Variants in CELF2 observed in about 807,000 individuals in gnomAD.
CELF2 encodes CUGBP Elav-like family member 2.
CELF2 carries 8 observed loss-of-function variants against 62.6 expected under a neutral mutation model. That is an observed-to-expected ratio of 0.13 (90% CI 0.07 to 0.23). The LOEUF is 0.23. Among genes scored for constraint, CELF2 ranks in the 10% least tolerant of loss-of-function variants. CELF2 has a pLI of 1.00. For missense variants in CELF2, 333 were observed against 671.0 expected (o/e 0.50, Z 5.56); for synonymous variants, 258 against 250.0 (o/e 1.03, Z -0.30).
the CELF2 span, among the ~76,000 whole-genome samples, chr10:10,765,118 A>G: frequency 2.0e-4 from 30 of 152,322 alleles, no homozygotes; most frequent in African/African-American, 7.2e-4. Flanking sequence ...AAGGATCCAT[A>G]CAAATGACGG....
intron 1 of CELF2, among the ~76,000 whole-genome samples, chr10:11,027,676 A>G (rs1215618135): frequency 3.9e-5 from 6 of 152,208 alleles, no homozygotes; most frequent in Admixed American, 1.3e-4. Flanking sequence ...CACTAGGGAC[A>G]TGGCTTCAGG....
intron 6 of CELF2, 45 bp downstream of exon 6, chr10:11,266,722 T>C: frequency 6.7e-7 from 1 of 1,492,324 alleles, no homozygotes; most frequent in Non-Finnish European, 9.3e-7. Flanking sequence ...GTGCAAATGA[T>C]GGGGAATGGT....
rs2082663090 is a variant in CELF2, at chr10:11,268,110, TG to T, written c.618+1434del. Among the ~76,000 whole-genome samples, 1 of 152,208 alleles carries T rather than the reference TG, an allele frequency of 6.6e-6. No homozygotes were observed. Among genetic ancestry groups the T allele is most frequent in the South Asian group, 2.1e-4 (1 of 4,830 alleles). ...CGCAGTTACACGTGTGATGGCGTTT[TG>T]CTTCCCTCTTTCTCTTACTGAGGCC... On this transcript the variant is annotated intron_variant, in intron 6 of 12. Coordinates refer to ENST00000633077, the MANE Select transcript of CELF2 (RefSeq NM_001326342.2). The surrounding 1 kb of genome is among the most constrained non-coding windows in gnomAD (Gnocchi z 4.7).
the CELF2 span, among the ~76,000 whole-genome samples, chr10:10,747,815 T>C: frequency 6.6e-6 from 1 of 152,212 alleles, no homozygotes; most frequent in East Asian, 1.9e-4. Context: ...CATGCCATTC[T>C]CCTGCCTCAG....
In CELF2 at chr10:11,271,638, A is replaced by AGT. The variant is rs2083822279; in HGVS notation, c.777+816_777+817dup. Among the ~76,000 whole-genome samples the AGT allele has an allele frequency of 2.0e-5, 3 of 152,278 alleles. No homozygotes were observed. In the East Asian group the frequency reaches 5.8e-4, roughly 29 times the overall value. On this transcript the variant is annotated intron_variant, in intron 7 of 12. Coordinates refer to ENST00000633077, the MANE Select transcript of CELF2 (RefSeq NM_001326342.2). ...CCCTATTTTTCCACTTTGGAACATA[A>AGT]GTGCTGGACTTCACATTTATTAATA...
intron 4 of CELF2, among the ~76,000 whole-genome samples, chr10:11,253,753 G>C (rs969667631): frequency 3.9e-5 from 6 of 152,164 alleles, no homozygotes; most frequent in Non-Finnish European, 5.9e-5. Context: ...ATGGAAGGTA[G>C]ACTTCAAATG....
At chr10:10,873,353 A>G (rs1368995987) in intron 1 of CELF2, among the ~76,000 whole-genome samples, 1 of 152,188 alleles carries the variant, frequency 6.6e-6, no homozygotes, top group African/African-American at 2.4e-5. Context: ...TGAACTTAAA[A>G]TAAATAAATA....
chr10:11,110,546 G>A lies in CELF2; in HGVS notation c.75-54940G>A, dbSNP rs558551598. On this transcript the variant is annotated intron_variant, in intron 1 of 12. Coordinates refer to ENST00000633077, the MANE Select transcript of CELF2 (RefSeq NM_001326342.2). This position sits in a 1 kb window ranked among gnomAD's most constrained non-coding sequence, Gnocchi z 4.0. ...CACTAATGCATGGAGTAGAAACAGAGGGGCTTTAATGGAGGTCATGTCCCT... is the reference window on the plus strand; with the variant it reads ...CACTAATGCATGGAGTAGAAACAGAAGGGCTTTAATGGAGGTCATGTCCCT... Among the ~76,000 whole-genome samples the A allele has an allele frequency of 1.6e-4, 25 of 152,310 alleles. No homozygotes were observed. The South Asian group carries it at 5.2e-3, about 32-fold the overall frequency.
chr10:11,217,225 G>A lies in CELF2; in HGVS notation c.272-200G>A, dbSNP rs141865209. Reference sequence around the variant, plus strand: ...ACAGAGTCAGGAATTGATCTCCAACGTGGGTAAAGCTAATAAATATGATTT... The same window carrying A: ...ACAGAGTCAGGAATTGATCTCCAACATGGGTAAAGCTAATAAATATGATTT... On this transcript the variant is annotated intron_variant, in intron 2 of 12. Coordinates refer to ENST00000633077, the MANE Select transcript of CELF2 (RefSeq NM_001326342.2). This position sits in a 1 kb window ranked among gnomAD's most constrained non-coding sequence, Gnocchi z 5.6. 4.7e-3 allele frequency among the ~76,000 whole-genome samples: 711 copies of A among 152,282 alleles called. 3 individuals carry two copies. Among genetic ancestry groups the A allele is most frequent in the Non-Finnish European group, 7.4e-3 (505 of 68,020 alleles).
chr10:10,609,805 T>A, the CELF2 span, among the ~76,000 whole-genome samples: 1 of 152,246 alleles, frequency 6.6e-6, no homozygotes, highest in Non-Finnish European at 1.5e-5. Flanking sequence ...GTTCTCTCCA[T>A]CTGCTAACGT....
intron 12 of CELF2, among the ~76,000 whole-genome samples, chr10:11,327,460 T>C (rs1259569849): frequency 6.6e-6 from 1 of 152,228 alleles, no homozygotes; most frequent in Non-Finnish European, 1.5e-5. Context: ...CATGATGGAC[T>C]GGTTTCCATT....
chr10:10,918,909 C>T (rs564199337), intron 1 of CELF2, among the ~76,000 whole-genome samples: 94 of 152,208 alleles, frequency 6.2e-4, no homozygotes, highest in Middle Eastern at 6.8e-3. Context: ...AGAGTTCAAC[C>T]GAAAGCCTCC....
intron 7 of CELF2, among the ~76,000 whole-genome samples, chr10:11,273,880 C>G (rs146364946): frequency 1.6e-4 from 24 of 152,108 alleles, no homozygotes; most frequent in African/African-American, 5.8e-4. Flanking sequence ...TGCCACCACA[C>G]CCGGCTAATT....
the CELF2 span, among the ~76,000 whole-genome samples, chr10:10,541,731 C>T: frequency 5.9e-5 from 9 of 152,144 alleles, no homozygotes; most frequent in African/African-American, 1.7e-4. Flanking sequence ...CTTTCATTGC[C>T]ATCTTGGTTT....
the CELF2 span, among the ~76,000 whole-genome samples, chr10:10,596,802 AC>A: frequency 6.6e-6 from 1 of 152,210 alleles, no homozygotes; most frequent in African/African-American, 2.4e-5. Flanking sequence ...AAGTTGAAAC[AC>A]AGCTCTGAAA....
chr10:10,901,541 G>T (rs184901721), intron 1 of CELF2, among the ~76,000 whole-genome samples: 1 of 152,252 alleles, frequency 6.6e-6, no homozygotes, highest in Admixed American at 6.5e-5. Flanking sequence ...CTAACATAAG[G>T]CTTCACATTA....
rs2095435235 is a variant in CELF2, at chr10:11,321,511, T to C, written c.1294+125T>C. On this transcript the variant is annotated intron_variant, in intron 11 of 12. Transcript: ENST00000633077. This position sits in a 1 kb window ranked among gnomAD's most constrained non-coding sequence, Gnocchi z 6.2. ...ATAACAGAAAGCAGTTGTTTTGTTATTCATGTTTAAAAAAAAAAAAAACTG... is the reference window on the plus strand; with the variant it reads ...ATAACAGAAAGCAGTTGTTTTGTTACTCATGTTTAAAAAAAAAAAAAACTG... 1 of 756,274 alleles carries C rather than the reference T, an allele frequency of 1.3e-6. No homozygotes were observed. Among genetic ancestry groups the C allele is most frequent in the Non-Finnish European group, 2.0e-6 (1 of 501,330 alleles). The allele number at this position is 756,274 out of a possible 1,614,324, so 46.8% of individuals were successfully genotyped here. A position where few individuals can be genotyped will look rare whatever the true frequency, so the allele number is the denominator to read the frequency against.
the CELF2 span, among the ~76,000 whole-genome samples, chr10:10,713,044 C>T: frequency 1.3e-5 from 2 of 152,212 alleles, no homozygotes; most frequent in Admixed American, 1.3e-4. Context: ...ACAAAATGGT[C>T]CCAATGGACC....
At chr10:10,980,231 G>A (rs368229171) in intron 2 of CELF2, among the ~76,000 whole-genome samples, 6 of 152,178 alleles carry the variant, frequency 3.9e-5, no homozygotes, top group Admixed American at 6.5e-5. Flanking sequence ...CCTGTCTTCC[G>A]CATCTCTGCT....
Sources: gnomAD v4.1 joint callset for allele counts (sites outside exome capture counted in the v4.1 genomes callset) on GRCh38, gnomAD v4.1.1 for gene constraint, Gnocchi (gnomAD v3.1) non-coding constraint, MANE v1.5 for transcripts, NCBI Gene and HGNC (gene_info 2026-07-23, HGNC 2026-07-21) for gene names.